Variants in KMT2C observed in about 807,000 individuals in gnomAD.
KMT2C encodes lysine methyltransferase 2C, also known as histone-lysine N-methyltransferase 2C.
A neutral mutation model predicts 507.9 loss-of-function variants in KMT2C; 88 were observed. The ratio of observed to expected loss-of-function variants is 0.17; its 90% confidence interval spans 0.15 to 0.21. The LOEUF is 0.21. KMT2C is among the 10% of genes least tolerant of loss of function. KMT2C has a pLI of 1.00. For missense variants in KMT2C, 4,954 were observed against 5,957.8 expected (o/e 0.83, Z 5.55); for synonymous variants, 2,049 against 2,080.8 (o/e 0.98, Z 0.42).
intron 2 of KMT2C, among the ~76,000 whole-genome samples, chr7:152,339,351 T>C (rs532234865): frequency 2.2e-4 from 33 of 152,302 alleles, no homozygotes; most frequent in African/African-American, 7.7e-4. Flanking sequence ...ACCTAAGTGT[T>C]TGTCACCAAC....
At chr7:152,230,385 A>G (rs2095071488) in intron 16 of KMT2C, 64 bp from the exon 17 acceptor site, 1 of 673,894 alleles carries the variant, frequency 1.5e-6, no homozygotes, top group Admixed American at 3.2e-5. Context: ...ACTTAACTGG[A>G]AAGCTTCAGA....
In KMT2C at chr7:152,163,102, G is replaced by A; in HGVS notation, c.10475C>T (p.Ser3492Leu). 3.7e-6 allele frequency: 6 copies of A among 1,614,200 alleles called. No homozygotes were observed. Among genetic ancestry groups the A allele is most frequent in the Non-Finnish European group, 5.1e-6 (6 of 1,180,040 alleles). ...AGTTTGGGTGGAGGGTGAATTAATT[G>A]ATCCTTGTTGTATATTCTGCTGCTG... ...VLQQQNIQQG[S>L]INSPSTQTFM... Residue 3492 changes from serine (S) to leucine (L), a missense_variant, in exon 43 of 59, where the codon TCA becomes TTA. Coordinates refer to ENST00000262189, the MANE Select transcript of KMT2C (RefSeq NM_170606.3).
chr7:152,222,289 T>C (rs1329875811), intron 21 of KMT2C, among the ~76,000 whole-genome samples: 1 of 152,214 alleles, frequency 6.6e-6, no homozygotes, highest in Non-Finnish European at 1.5e-5. Context: ...ATCAACATAT[T>C]GGATTCTGAC....
chr7:152,429,159 TC>T (rs1228948524), intron 1 of KMT2C, among the ~76,000 whole-genome samples: 6 of 152,272 alleles, frequency 3.9e-5, no homozygotes, highest in African/African-American at 1.4e-4. Context: ...TGAGCACCCC[TC>T]TAGGCCACAA....
Position 152,136,823 on chromosome 7 carries a change from G to A in KMT2C, c.*9C>T. ...ACAAGCCGCCCGCTGAGCTAGCAAGGAATGCATTTCAGTTCATCCACTTCC... is the reference window on the plus strand; with the variant it reads ...ACAAGCCGCCCGCTGAGCTAGCAAGAAATGCATTTCAGTTCATCCACTTCC... On this transcript the variant is annotated 3_prime_UTR_variant, in exon 59 of 59. Coordinates refer to ENST00000262189, the MANE Select transcript of KMT2C (RefSeq NM_170606.3). 6.2e-7 allele frequency: 1 copy of A among 1,601,382 alleles called. No homozygotes were observed.
At chr7:152,203,363 C>A (rs933336929) in intron 25 of KMT2C, among the ~76,000 whole-genome samples, 8 of 151,258 alleles carry the variant, frequency 5.3e-5, no homozygotes, top group African/African-American at 1.7e-4. Context: ...AATAAATACC[C>A]AAAGCTCATG....
At chr7:152,187,916 C>T (rs1656827555) in intron 31 of KMT2C, 69 bp from the exon 32 acceptor site, 1 of 1,484,550 alleles carries the variant, frequency 6.7e-7, no homozygotes. Context: ...TAAAGCTGGC[C>T]CTTGAACAAC....
At chr7:152,199,017 T>C (rs540223224) in intron 27 of KMT2C, among the ~76,000 whole-genome samples, 36 of 152,280 alleles carry the variant, frequency 2.4e-4, no homozygotes, top group South Asian at 1.4e-3. Flanking sequence ...ACCCCTCACA[T>C]TGCCCTCAGC....
At position 152,194,096 on chromosome 7, in the gene KMT2C, TA is replaced by T; in HGVS notation, c.4572del (p.Phe1524LeufsTer39). ...ELGGKDVEDL[F>X]TAVLSPANTQ... ...GTGTTCGCAGGACTAAGTACAGCTG[TA>T]AATAAGTCTTCAACATCTTTTCCGC... is the stretch of plus-strand genomic sequence containing the variant. On this transcript the variant is annotated frameshift_variant, in exon 31 of 59. Coordinates refer to ENST00000262189, the MANE Select transcript of KMT2C (RefSeq NM_170606.3). LOFTEE classifies it high-confidence loss of function. 6.3e-7 allele frequency: 1 copy of T among 1,584,130 alleles called. No homozygotes were observed. Among genetic ancestry groups the T allele is most frequent in the Admixed American group, 1.9e-5 (1 of 51,518 alleles).
At chr7:152,395,409 G>T (rs1010850087) in intron 1 of KMT2C, among the ~76,000 whole-genome samples, 4 of 151,848 alleles carry the variant, frequency 2.6e-5, no homozygotes, top group African/African-American at 9.7e-5. Flanking sequence ...GACTGGTCTC[G>T]AACTCCTGTG....
At chr7:152,309,313 AT>A (rs1169487768) in intron 6 of KMT2C, among the ~76,000 whole-genome samples, 8,913 of 129,620 alleles carry the variant, frequency 0.069, 220 homozygotes, top group African/African-American at 0.12. Flanking sequence ...ACACAAATTA[AT>A]TTTTTTTTTT....
intron 6 of KMT2C, 150 bp downstream of exon 6, chr7:152,309,816 T>G (rs1315526953): frequency 1.8e-6 from 1 of 556,452 alleles, no homozygotes; most frequent in African/African-American, 1.9e-5. Context: ...CCACCATACC[T>G]GGCCTAGAAT....
At chr7:152,231,504 G>A (rs2095110588) in intron 16 of KMT2C, among the ~76,000 whole-genome samples, 1 of 152,292 alleles carries the variant, frequency 6.6e-6, no homozygotes, top group African/African-American at 2.4e-5. Flanking sequence ...TAACCAGCTG[G>A]GTGTGGTGGC....
intron 1 of KMT2C, among the ~76,000 whole-genome samples, chr7:152,414,875 G>C (rs1055841856): frequency 6.6e-6 from 1 of 151,328 alleles, no homozygotes; most frequent in Non-Finnish European, 1.5e-5. Context: ...TTTGAGACAG[G>C]GTCTTGCTCT....
chr7:152,144,967 G>T lies in KMT2C; in HGVS notation c.14175-86C>A, dbSNP rs976638875. The T allele has an allele frequency of 5.6e-5, 80 of 1,431,664 alleles. No individual in the cohort carries two copies. In the Admixed American group the frequency reaches 1.8e-3, roughly 33 times the overall value. The allele number at this position is 1,431,664 out of a possible 1,614,324, so 88.7% of individuals were successfully genotyped here. Reference sequence around the variant, plus strand: ...TAATGCCCAAAACCAGGTTAATTCAGATTCTTACTGACAGAAACATACATG... The same window carrying T: ...TAATGCCCAAAACCAGGTTAATTCATATTCTTACTGACAGAAACATACATG... On this transcript the variant is annotated intron_variant, in intron 54 of 58. Coordinates refer to ENST00000262189, the MANE Select transcript of KMT2C (RefSeq NM_170606.3). The surrounding 1 kb of genome is among the most constrained non-coding windows in gnomAD (Gnocchi z 4.4).
intron 6 of KMT2C, among the ~76,000 whole-genome samples, chr7:152,304,159 A>T (rs2096595328): frequency 6.6e-6 from 1 of 152,152 alleles, no homozygotes; most frequent in Admixed American, 6.5e-5. Flanking sequence ...ATTTTCTTAG[A>T]TTAAAAAGCC....
intron 1 of KMT2C, among the ~76,000 whole-genome samples, chr7:152,434,442 G>T (rs1459172124): frequency 6.6e-6 from 1 of 152,234 alleles, no homozygotes; most frequent in East Asian, 1.9e-4. Flanking sequence ...CTCAGTTCAC[G>T]CTACTATTTT....
At position 152,136,068 on chromosome 7, in the gene KMT2C, A is replaced by G. The variant is rs115150706; in HGVS notation, c.*764T>C. 6.1e-3 allele frequency: 1,333 copies of G among 218,604 alleles called. 18 individuals carry two copies. The highest frequency in any genetic ancestry group is 0.028 in the African/African-American group (1,261 of 44,684). The allele number at this position is 218,604 out of a possible 1,614,324, so 13.5% of individuals were successfully genotyped here. A position where few individuals can be genotyped will look rare whatever the true frequency, so the allele number is the denominator to read the frequency against. Reference sequence around the variant, plus strand: ...GTATTTTTTCTCAAAATATTTACATATCTGTACAAAGTAACAGGGTTTGTT... The same window carrying G: ...GTATTTTTTCTCAAAATATTTACATGTCTGTACAAAGTAACAGGGTTTGTT... On this transcript the variant is annotated 3_prime_UTR_variant, in exon 59 of 59. Coordinates refer to ENST00000262189, the MANE Select transcript of KMT2C (RefSeq NM_170606.3).
At position 152,148,778 on chromosome 7, in the gene KMT2C, T is replaced by C. The variant is rs553041151; in HGVS notation, c.13149A>G (p.Leu4383=). 1.2e-5 allele frequency: 19 copies of C among 1,614,246 alleles called. No homozygotes were observed. The East Asian group carries it at 2.9e-4, about 25-fold the overall frequency. The change falls in exon 52 of 59, where the codon CTA becomes CTG. Residue 4383 remains leucine, a synonymous_variant. Coordinates refer to ENST00000262189, the MANE Select transcript of KMT2C (RefSeq NM_170606.3). The surrounding 1 kb of genome is among the most constrained non-coding windows in gnomAD (Gnocchi z 7.1). ...GTTTAAGGGAAGTGCCCAATTTCTT[T>C]AGAAATTCATCTATTTCATCCTCAC... ...PPCEDEIDEF[L]KKLGTSLKPD...
Sources: allele counts gnomAD v4.1 joint callset (sites outside exome capture counted in the v4.1 genomes callset), GRCh38; gene constraint gnomAD v4.1.1; non-coding constraint Gnocchi (gnomAD v3.1); transcripts MANE v1.5; gene names NCBI Gene and HGNC (gene_info 2026-07-23, HGNC 2026-07-21).